The following DMD variants were observed in gnomAD, a reference collection of about 807,000 sequenced individuals.
The protein encoded by DMD is mutant dystrophin.
DMD carries 63 observed loss-of-function variants against 330.1 expected under a neutral mutation model. The ratio of observed to expected loss-of-function variants is 0.19; its 90% CI spans 0.16 to 0.24. The LOEUF (loss-of-function observed/expected upper bound fraction) is 0.24, where lower values mean the gene tolerates loss of function less well. Ranked by LOEUF, DMD falls within the 10% of genes least tolerant of loss-of-function variation. The pLI is 1.00. For synonymous variants in DMD, 1,223 were observed against 959.8 expected (o/e 1.27, Z -5.07); for missense variants, 3,344 against 2,684.1 (o/e 1.25, Z -5.43).
intron 22 of DMD, among the ~76,000 whole-genome samples, chrX:32,469,272 T>C (rs1287869347): frequency 9.0e-6 from 1 of 110,797 alleles, no homozygotes; most frequent in Non-Finnish European, 1.9e-5. Context: ...ATAACACATG[T>C]AATTTCTTAC....
chrX:32,735,782 C>T (rs1392868635), intron 7 of DMD, among the ~76,000 whole-genome samples: 1 of 111,939 alleles, frequency 8.9e-6, no homozygotes, highest in Non-Finnish European at 1.9e-5. Context: ...GGATTAAAAA[C>T]TTAAACGTTA....
At chrX:33,001,676 G>A (rs1411786171) in intron 2 of DMD, among the ~76,000 whole-genome samples, 2 of 110,474 alleles carry the variant, frequency 1.8e-5, no homozygotes, top group African/African-American at 6.6e-5. Flanking sequence ...GAAAGACAGC[G>A]TCTAACAGAA....
chrX:32,726,169 A>C (rs752586028), intron 7 of DMD, among the ~76,000 whole-genome samples: 1 of 111,392 alleles, frequency 9.0e-6, no homozygotes, highest in African/African-American at 3.2e-5. Context: ...TAAACTATTT[A>C]TGACACTGCG....
intron 1 of DMD, among the ~76,000 whole-genome samples, chrX:33,120,511 TATGCGGCAGAAC>T (rs1371329730): frequency 9.0e-6 from 1 of 110,528 alleles, no homozygotes; most frequent in East Asian, 2.8e-4. Context: ...GGGAAAGAAA[TATGCGGCAGAAC>T]ATCAGCAACA....
chrX:31,132,282 C>T (rs1224054086), intron 77 of DMD, among the ~76,000 whole-genome samples: 1 of 112,405 alleles, frequency 8.9e-6, no homozygotes, highest in African/African-American at 3.2e-5. Flanking sequence ...TATTTCTTGT[C>T]TTCCAGGAAG....
At chrX:33,273,650 C>T (rs1211872763) in intron 1 of DMD, among the ~76,000 whole-genome samples, 1 of 112,219 alleles carries the variant, frequency 8.9e-6, no homozygotes, top group Non-Finnish European at 1.9e-5. Context: ...AAGCCATACG[C>T]AATTAGCATA....
At position 32,699,107 on chromosome X, in the gene DMD, T is replaced by G. The variant is rs757088996; in HGVS notation, c.831+5A>C. On this transcript the variant is annotated splice_donor_5th_base_variant and intron_variant, in intron 8 of 78. Transcript: ENST00000357033. Reference sequence around the variant, plus strand: ...TGAATAGTAGCTGTCCTTTACACACTTTACCTGTTGAGAATAGTGCATTTG... The same window carrying G: ...TGAATAGTAGCTGTCCTTTACACACGTTACCTGTTGAGAATAGTGCATTTG... The G allele has an allele frequency of 2.5e-6, 3 of 1,206,040 alleles. No homozygotes were observed. The highest frequency in any genetic ancestry group is 3.4e-6 in the Non-Finnish European group (3 of 890,451).
At chrX:31,237,117 A>G (rs1309110519) in intron 63 of DMD, among the ~76,000 whole-genome samples, 2 of 112,361 alleles carry the variant, frequency 1.8e-5, no homozygotes, top group East Asian at 5.6e-4. Flanking sequence ...ACCTTCTTGC[A>G]AAAAACATTT....
At chrX:32,041,698 C>T (rs996784852) in intron 44 of DMD, among the ~76,000 whole-genome samples, 12 of 110,691 alleles carry the variant, frequency 1.1e-4, no homozygotes, top group South Asian at 3.8e-4. Context: ...TGATAGCCCT[C>T]GTACATGCAT....
intron 44 of DMD, among the ~76,000 whole-genome samples, chrX:32,049,635 G>A (rs1169446731): frequency 9.0e-6 from 1 of 111,521 alleles, no homozygotes. Context: ...AGATGTAGAC[G>A]TAGAAGTGAT....
rs2032618557 is a variant in DMD, at chrX:31,121,807, T to C, written c.*112A>G. On this transcript the variant is annotated 3_prime_UTR_variant, in exon 79 of 79. Coordinates refer to ENST00000357033, the MANE Select transcript of DMD (RefSeq NM_004006.3). ...TGTTGTATGAATATTATAAAAACCA[T>C]GCGGGAATCAGGAGTTGTAAAACAT... 2 of 1,003,121 alleles carry C rather than the reference T, an allele frequency of 2.0e-6. No homozygotes were observed. Among genetic ancestry groups the C allele is most frequent in the Non-Finnish European group, 2.8e-6 (2 of 705,502 alleles). 82.7% of individuals were successfully genotyped at this position (1,003,121 alleles called of 1,213,427 possible). A position where few individuals can be genotyped will look rare whatever the true frequency, so the allele number is the denominator to read the frequency against.
chrX:31,658,198 T>C, intron 53 of DMD, 54 bp from the exon 54 acceptor site: 1 of 1,147,815 alleles, frequency 8.7e-7, no homozygotes, highest in Non-Finnish European at 1.2e-6. Context: ...ATGAAATCTC[T>C]AGTTGGAGTG....
At chrX:33,140,666 A>C (rs951642368) in intron 1 of DMD, among the ~76,000 whole-genome samples, 1 of 112,150 alleles carries the variant, frequency 8.9e-6, no homozygotes, top group Admixed American at 9.5e-5. Flanking sequence ...TGAGAAACAT[A>C]CATTTATGCA....
At chrX:31,800,443 C>T (rs780207972) in intron 50 of DMD, among the ~76,000 whole-genome samples, 1 of 112,302 alleles carries the variant, frequency 8.9e-6, no homozygotes, top group South Asian at 3.7e-4. Context: ...ATGCAGGGCA[C>T]GAAGTCCTGA....
At chrX:32,572,499 G>A (rs941907049) in intron 15 of DMD, among the ~76,000 whole-genome samples, 4 of 108,570 alleles carry the variant, frequency 3.7e-5, no homozygotes, top group Non-Finnish European at 3.8e-5. Flanking sequence ...GTATCAGACC[G>A]GCCTCTTTTA....
chrX:31,182,942 G>A lies in DMD; in HGVS notation c.9808-38C>T, dbSNP rs747941703. ...GAGGGAGAGAGAAGGAGGGCAAAAG[G>A]ATGAAAGGAAAGAAGGCAAGATGGC... is the stretch of plus-strand genomic sequence containing the variant. On this transcript the variant is annotated intron_variant, in intron 67 of 78. Coordinates refer to ENST00000357033, the MANE Select transcript of DMD (RefSeq NM_004006.3). 8 of 1,144,122 alleles carry A rather than the reference G, an allele frequency of 7.0e-6. No individual in the cohort carries two copies. The South Asian group carries it at 1.1e-4, about 16-fold the overall frequency. The allele number at this position is 1,144,122 out of a possible 1,213,427, so 94.3% of individuals were successfully genotyped here.
chrX:32,454,974 C>T, intron 25 of DMD, 142 bp from the exon 26 acceptor site: 1 of 645,042 alleles, frequency 1.6e-6, no homozygotes, highest in Non-Finnish European at 2.3e-6. Flanking sequence ...AAGAAAATAA[C>T]TCATGGGGAT....
chrX:32,557,598 A>G (rs1364357969), intron 16 of DMD, among the ~76,000 whole-genome samples: 1 of 112,112 alleles, frequency 8.9e-6, no homozygotes, highest in East Asian at 2.8e-4. Flanking sequence ...AACATACTGC[A>G]TAATCATAGC....
chrX:32,057,712 G>A (rs998963227), intron 44 of DMD, among the ~76,000 whole-genome samples: 1 of 108,759 alleles, frequency 9.2e-6, no homozygotes, highest in African/African-American at 3.3e-5. Flanking sequence ...AATCCCAATC[G>A]CATTTTTTAC....
Sources: gnomAD v4.1 joint callset for allele counts (sites outside exome capture counted in the v4.1 genomes callset) on GRCh38, gnomAD v4.1.1 for gene constraint, MANE v1.5 for transcripts, NCBI Gene and HGNC (gene_info 2026-07-23, HGNC 2026-07-21) for gene names.